Variants in CTNNA2 observed in about 807,000 individuals in gnomAD.
CTNNA2 encodes the protein catenin alpha 2, also known as catenin alpha-2.
In CTNNA2, 42 loss-of-function variants were observed where a neutral mutation model predicts 101.0. The observed-to-expected ratio is 0.42, with a 90% CI of 0.32 to 0.54. CTNNA2 has a LOEUF of 0.54. Among genes scored for constraint, CTNNA2 ranks in the 20% least tolerant of loss-of-function variants. The pLI, the probability that CTNNA2 is intolerant of heterozygous loss-of-function variation, is 0.14. For missense variants in CTNNA2, 871 were observed against 1,223.1 expected, an observed-to-expected ratio of 0.71 and a Z score of 4.29; for synonymous variants, 450 against 456.4, an observed-to-expected ratio of 0.99 and a Z score of 0.18.
chr2:79,331,020 GT>G lies in CTNNA2; in HGVS notation c.-318+18226del, dbSNP rs531995215. Among the ~76,000 whole-genome samples the G allele has an allele frequency of 2.6e-5, 4 of 152,262 alleles. No homozygotes were observed. The South Asian group carries it at 8.3e-4, about 32-fold the overall frequency. ...GGAATTTGAACCTATGGCTCACCCC[GT>G]TAGGAATTAGTTCTGTTCTGCATTT... On this transcript the variant is annotated intron_variant, in intron 3 of 21. Transcript: ENST00000466387.
intron 7 of CTNNA2, among the ~76,000 whole-genome samples, chr2:80,037,736 C>A (rs1353040860): frequency 6.6e-6 from 1 of 152,120 alleles, no homozygotes; most frequent in Non-Finnish European, 1.5e-5. Flanking sequence ...TTATGAAAAT[C>A]TAAGTTAAAC....
At chr2:79,457,868 A>G (rs752175845) in intron 4 of CTNNA2, among the ~76,000 whole-genome samples, 2 of 152,158 alleles carry the variant, frequency 1.3e-5, no homozygotes, top group Non-Finnish European at 2.9e-5. Flanking sequence ...CTAGCATTTC[A>G]TCCCAGGAGA....
intron 2 of CTNNA2, among the ~76,000 whole-genome samples, chr2:79,225,899 A>C (rs1013148987): frequency 1.3e-5 from 2 of 152,200 alleles, no homozygotes; most frequent in African/African-American, 2.4e-5. Flanking sequence ...TCATGATGAC[A>C]TTTGTTGTGT....
intron 7 of CTNNA2, among the ~76,000 whole-genome samples, chr2:80,321,239 C>T (rs1451289981): frequency 2.0e-5 from 3 of 151,602 alleles, no homozygotes; most frequent in Non-Finnish European, 4.4e-5. Context: ...ATAGAAAGGC[C>T]TCCTGGAAAA....
At chr2:79,857,922 A>T (rs1458261114) in intron 3 of CTNNA2, 91 bp from the exon 4 acceptor site, 18 of 1,356,396 alleles carry the variant, frequency 1.3e-5, no homozygotes, top group Non-Finnish European at 1.7e-5. Context: ...GTTTTGCAAT[A>T]AAAACAGTAA....
At chr2:80,232,321 T>TTTG (rs1709261223) in intron 7 of CTNNA2, among the ~76,000 whole-genome samples, 1 of 111,000 alleles carries the variant, frequency 9.0e-6, no homozygotes, top group African/African-American at 3.9e-5. Flanking sequence ...AGAATTTGGG[T>TTTG]TTTGTTTGTT....
intron 2 of CTNNA2, among the ~76,000 whole-genome samples, chr2:79,245,786 C>G (rs1203687480): frequency 1.3e-5 from 2 of 152,168 alleles, no homozygotes; most frequent in African/African-American, 2.4e-5. Flanking sequence ...CTGGTCCCAG[C>G]CCCAAATGTC....
At chr2:79,269,659 A>G (rs930543908) in intron 2 of CTNNA2, among the ~76,000 whole-genome samples, 6 of 152,138 alleles carry the variant, frequency 3.9e-5, no homozygotes, top group Admixed American at 2.6e-4. Flanking sequence ...TTCAAAGGAT[A>G]TCTTCTCCAG....
intron 7 of CTNNA2, among the ~76,000 whole-genome samples, chr2:80,199,180 CAGA>C (rs1429723750): frequency 9.9e-5 from 4 of 40,430 alleles, no homozygotes; most frequent in African/African-American, 1.7e-4. Context: ...GACTCCATCT[CAGA>C]AAAAAAAAAA....
chr2:79,703,207 T>C (rs957201286), intron 2 of CTNNA2, among the ~76,000 whole-genome samples: 7 of 152,214 alleles, frequency 4.6e-5, no homozygotes, highest in Non-Finnish European at 1.0e-4. Context: ...CTAATCTGCA[T>C]GTTTATTTTG....
At chr2:79,788,263 G>T (rs1215937855) in intron 3 of CTNNA2, among the ~76,000 whole-genome samples, 2 of 152,220 alleles carry the variant, frequency 1.3e-5, no homozygotes, top group East Asian at 3.9e-4. Context: ...GACTCACGTG[G>T]TGGAAAGCCT....
intron 7 of CTNNA2, among the ~76,000 whole-genome samples, chr2:80,097,669 A>T (rs1305557738): frequency 6.6e-6 from 1 of 152,158 alleles, no homozygotes; most frequent in Non-Finnish European, 1.5e-5. Context: ...TGGTCTTTTC[A>T]CAGAGTCCCA....
intron 16 of CTNNA2, among the ~76,000 whole-genome samples, chr2:80,607,041 T>A (rs948227697): frequency 2.6e-5 from 4 of 151,908 alleles, no homozygotes; most frequent in African/African-American, 9.7e-5. Flanking sequence ...ATGGTAAGTG[T>A]TAAATATAAA....
chr2:79,670,144 C>T (rs149710653), intron 2 of CTNNA2, among the ~76,000 whole-genome samples: 1,546 of 152,262 alleles, frequency 0.01, 24 homozygotes, highest in African/African-American at 0.035. Flanking sequence ...CAGCTGCACC[C>T]GGGAGCTCAC....
chr2:80,635,971 CTTTT>C (rs60757492), intron 18 of CTNNA2, among the ~76,000 whole-genome samples: 1 of 115,654 alleles, frequency 8.6e-6, no homozygotes, highest in South Asian at 2.9e-4. Context: ...ATGCCCATTG[CTTTT>C]TTTTTTTTTT....
intron 2 of CTNNA2, among the ~76,000 whole-genome samples, chr2:79,727,393 G>T (rs1302384902): frequency 6.6e-6 from 1 of 152,042 alleles, no homozygotes; most frequent in Non-Finnish European, 1.5e-5. Flanking sequence ...CCCCAGAATG[G>T]CTTCAGCTTA....
At chr2:80,115,055 T>C (rs1011419808) in intron 7 of CTNNA2, among the ~76,000 whole-genome samples, 4 of 152,204 alleles carry the variant, frequency 2.6e-5, no homozygotes, top group African/African-American at 9.6e-5. Flanking sequence ...AAGCAGCTAA[T>C]GTAATGAGAT....
At chr2:80,195,109 T>G (rs980721977) in intron 7 of CTNNA2, among the ~76,000 whole-genome samples, 1 of 152,176 alleles carries the variant, frequency 6.6e-6, no homozygotes, top group Non-Finnish European at 1.5e-5. Context: ...AAATGTTTGT[T>G]GAACTCAATT....
At chr2:79,781,174 A>G (rs1674393511) in intron 3 of CTNNA2, among the ~76,000 whole-genome samples, 1 of 152,202 alleles carries the variant, frequency 6.6e-6, no homozygotes, top group Non-Finnish European at 1.5e-5. Context: ...TGAATTATCC[A>G]TGCCTCCCCT....
Sources: gnomAD v4.1 joint callset for allele counts (sites outside exome capture counted in the v4.1 genomes callset) on GRCh38, gnomAD v4.1.1 for gene constraint, MANE v1.5 for transcripts, NCBI Gene and HGNC (gene_info 2026-07-23, HGNC 2026-07-21) for gene names.